The following ANO2 variants were observed in gnomAD, a reference collection of about 807,000 sequenced individuals.
ANO2 encodes anoctamin 2, also known as anoctamin-2.
ANO2 carries 101 observed loss-of-function variants against 124.2 expected under a neutral mutation model. The ratio of observed to expected loss-of-function variants is 0.81; its 90% confidence interval spans 0.69 to 0.96. The LOEUF (loss-of-function observed/expected upper bound fraction) is 0.96, where lower values mean the gene tolerates loss of function less well. ANO2 is among the 40% of genes least tolerant of loss of function. ANO2 has a pLI of 0.00. For synonymous variants in ANO2, 486 were observed against 482.5 expected, an observed-to-expected ratio of 1.01 and a Z score of -0.09; for missense variants, 1,293 against 1,274.5, an observed-to-expected ratio of 1.01 and a Z score of -0.22.
intron 10 of ANO2, among the ~76,000 whole-genome samples, chr12:5,758,717 T>C (rs1309153913): frequency 6.6e-6 from 1 of 152,192 alleles, no homozygotes; most frequent in Non-Finnish European, 1.5e-5. Flanking sequence ...CTCACTCAAC[T>C]AGATTGACTC....
chr12:5,626,778 T>A (rs1307451851), intron 16 of ANO2, among the ~76,000 whole-genome samples: 1 of 152,104 alleles, frequency 6.6e-6, no homozygotes, highest in Non-Finnish European at 1.5e-5. Flanking sequence ...TATGAAGAGA[T>A]GAATTTTCTC....
In ANO2 at chr12:5,636,400, C is replaced by A. The variant is rs1332040691; in HGVS notation, c.1621-1053G>T. The stretch of plus-strand genomic sequence containing the variant: ...TGCTAGGTGCATGCCCCACTCAGAG[C>A]AAATTCTAATTTGCTTCAGTCAAGT... On this transcript the variant is annotated intron_variant, in intron 15 of 24. Transcript: ENST00000682330. This position sits in a 1 kb window ranked among gnomAD's most constrained non-coding sequence, Gnocchi z 4.6. Among the ~76,000 whole-genome samples the A allele has an allele frequency of 2.6e-5, 4 of 152,072 alleles. No individual in the cohort carries two copies. The highest frequency in any genetic ancestry group is 5.9e-5 in the Non-Finnish European group (4 of 68,014).
chr12:5,773,997 A>G (rs1459740354), intron 10 of ANO2, among the ~76,000 whole-genome samples: 3 of 152,232 alleles, frequency 2.0e-5, no homozygotes, highest in Non-Finnish European at 4.4e-5. Flanking sequence ...AGAGGATTCC[A>G]AGATGAATTA....
intron 9 of ANO2, among the ~76,000 whole-genome samples, chr12:5,799,826 CCA>C (rs1281695597): frequency 3.9e-5 from 6 of 152,148 alleles, no homozygotes; most frequent in Non-Finnish European, 1.5e-5. Flanking sequence ...TTCTTTATTC[CCA>C]CGTCTTGCCT....
chr12:5,687,419 G>A (rs1948751784), intron 14 of ANO2, among the ~76,000 whole-genome samples: 1 of 152,248 alleles, frequency 6.6e-6, no homozygotes, highest in African/African-American at 2.4e-5. Context: ...CTTCCCTAAA[G>A]GGAGGATTCT....
At chr12:5,601,662 A>G (rs1456734534) in intron 19 of ANO2, among the ~76,000 whole-genome samples, 1 of 152,242 alleles carries the variant, frequency 6.6e-6, no homozygotes, top group Non-Finnish European at 1.5e-5. Context: ...ATCTTTAGTA[A>G]AAAATTAGTG....
intron 20 of ANO2, among the ~76,000 whole-genome samples, chr12:5,589,946 C>T (rs886419465): frequency 1.1e-4 from 16 of 152,032 alleles, no homozygotes; most frequent in Admixed American, 3.3e-4. Context: ...TTTTGGACAC[C>T]GGAGGGATAT....
At chr12:5,773,444 G>A (rs547600388) in intron 10 of ANO2, among the ~76,000 whole-genome samples, 1 of 152,310 alleles carries the variant, frequency 6.6e-6, no homozygotes, top group Admixed American at 6.5e-5. Context: ...ACCACCAACA[G>A]CAAGACAGAG....
At chr12:5,682,653 G>A (rs1345349101) in intron 14 of ANO2, among the ~76,000 whole-genome samples, 1 of 152,192 alleles carries the variant, frequency 6.6e-6, no homozygotes, top group East Asian at 1.9e-4. Context: ...GAAGAGCCCT[G>A]TATGTGAAGA....
intron 20 of ANO2, among the ~76,000 whole-genome samples, chr12:5,580,794 C>T (rs572777613): frequency 3.9e-5 from 6 of 152,320 alleles, no homozygotes; most frequent in South Asian, 2.1e-4. Context: ...GGTCACTGTT[C>T]TTGCTGATTC....
At chr12:5,699,000 C>T (rs1949299160) in intron 14 of ANO2, among the ~76,000 whole-genome samples, 1 of 152,160 alleles carries the variant, frequency 6.6e-6, no homozygotes, top group Admixed American at 6.5e-5. Context: ...AGAATGGAAC[C>T]AAGCTGGAAA....
intron 4 of ANO2, among the ~76,000 whole-genome samples, chr12:5,848,866 C>A (rs1464791116): frequency 6.6e-6 from 1 of 152,194 alleles, no homozygotes. Context: ...GTACCAATTG[C>A]GCTGCCTGCA....
intron 3 of ANO2, among the ~76,000 whole-genome samples, chr12:5,880,807 A>AATAGATGGGTGGGTGGATGGATGG (rs2137296388): frequency 8.9e-6 from 1 of 112,202 alleles, no homozygotes; most frequent in South Asian, 3.6e-4. Flanking sequence ...TGGATGGATG[A>AATAGATGGGTGGGTGGATGGATGG]ATAGATGGGT....
At chr12:5,798,107 G>A (rs1458225921) in intron 10 of ANO2, among the ~76,000 whole-genome samples, 2 of 152,022 alleles carry the variant, frequency 1.3e-5, no homozygotes, top group African/African-American at 4.8e-5. Context: ...GAAAACAGGC[G>A]ACAGAGTGGG....
intron 10 of ANO2, among the ~76,000 whole-genome samples, chr12:5,794,240 G>A (rs2192191): frequency 0.21 from 31,934 of 152,072 alleles, 3,663 homozygotes; most frequent in Middle Eastern, 0.28. Context: ...CTGATCCCAC[G>A]TGTCATCTCT....
chr12:5,640,751 T>A (rs190931841), intron 15 of ANO2, among the ~76,000 whole-genome samples: 1 of 152,108 alleles, frequency 6.6e-6, no homozygotes, highest in Non-Finnish European at 1.5e-5. Flanking sequence ...TGCGGAGAAA[T>A]AGGAACACTT....
intron 20 of ANO2, among the ~76,000 whole-genome samples, chr12:5,599,052 G>A (rs888531779): frequency 2.6e-5 from 4 of 152,152 alleles, no homozygotes; most frequent in Non-Finnish European, 5.9e-5. Context: ...TCAAAATGTA[G>A]ATATCCTTGA....
chr12:5,939,553 C>A (rs1404952539), intron 1 of ANO2, among the ~76,000 whole-genome samples: 1 of 152,162 alleles, frequency 6.6e-6, no homozygotes, highest in African/African-American at 2.4e-5. Context: ...CTCTGTTGAG[C>A]AAGGCTTAGA....
chr12:5,716,249 G>A (rs558358392), intron 14 of ANO2, among the ~76,000 whole-genome samples: 71 of 152,300 alleles, frequency 4.7e-4, no homozygotes, highest in African/African-American at 1.6e-3. Context: ...ACTCCTTGAA[G>A]GAGGATGTGC....
Sources: gnomAD v4.1 joint callset for allele counts (sites outside exome capture counted in the v4.1 genomes callset) on GRCh38, gnomAD v4.1.1 for gene constraint, Gnocchi (gnomAD v3.1) non-coding constraint, MANE v1.5 for transcripts, NCBI Gene and HGNC (gene_info 2026-07-23, HGNC 2026-07-21) for gene names.